The following ZNF318 variants were observed in gnomAD, a reference collection of about 807,000 sequenced individuals.
The protein encoded by ZNF318 is endocrine regulator.
A neutral mutation model predicts 124.2 loss-of-function variants in ZNF318; 51 were observed. The observed-to-expected ratio is 0.41, with a 90% confidence interval of 0.33 to 0.52. The LOEUF (loss-of-function observed/expected upper bound fraction) is 0.52. ZNF318 is among the 20% of genes least tolerant of loss of function. The pLI is 0.23. For synonymous variants in ZNF318, 1,090 were observed against 1,040.7 expected (o/e 1.05, Z -0.91); for missense variants, 2,815 against 2,811.2 (o/e 1.00, Z -0.03).
chr6:43,351,958 T>C (rs1443372982), intron 5 of ZNF318, among the ~76,000 whole-genome samples: 2 of 151,896 alleles, frequency 1.3e-5, no homozygotes, highest in Non-Finnish European at 2.9e-5. Context: ...CTGGTCAACA[T>C]GGTGAAACCC....
chr6:43,343,568 C>T (rs1375842942), intron 6 of ZNF318, among the ~76,000 whole-genome samples: 1 of 152,110 alleles, frequency 6.6e-6, no homozygotes, highest in Non-Finnish European at 1.5e-5. Flanking sequence ...GTGGCTCACA[C>T]CTGTAATCCC....
chr6:43,337,745 T>A lies in ZNF318; in HGVS notation c.6253A>T (p.Thr2085Ser), dbSNP rs1382064929. ...SPKTLVLDFE[T>S]EGERNSPNPR... is the part of the protein sequence containing the mutation. Reference sequence around the variant, plus strand: ...TTAGGTGAGTTTCGTTCACCCTCTGTCTCAAAGTCAAGCACCAAGGTTTTG... The same window carrying A: ...TTAGGTGAGTTTCGTTCACCCTCTGACTCAAAGTCAAGCACCAAGGTTTTG... The change falls in exon 10 of 10, where the codon ACA becomes TCA. Residue 2085 changes from threonine to serine, a missense_variant. This residue lies in a region of ZNF318 where 927 missense variants were observed against 820.6 expected (regional missense o/e 1.13). Coordinates refer to ENST00000361428, the MANE Select transcript of ZNF318 (RefSeq NM_014345.3). 6.2e-7 allele frequency: 1 copy of A among 1,614,110 alleles called. No homozygotes were observed. The highest frequency in any genetic ancestry group is 1.1e-5 in the South Asian group (1 of 91,078).
rs768035211 is a variant in ZNF318 at position 43,339,538 on chromosome 6, C to A, written c.4460G>T (p.Ser1487Ile). Reference sequence around the variant, plus strand: ...AATGTTAGGACCCACGAAGCCAGGGCTGAGAGTCTGAGATACAACTGGGTT... The same window carrying A: ...AATGTTAGGACCCACGAAGCCAGGGATGAGAGTCTGAGATACAACTGGGTT... ...KSNPVVSQTL[S>I]PGFVGPNILN... is the part of the protein sequence containing the mutation. The change falls in exon 10 of 10, where the codon AGC becomes ATC. Residue 1487 changes from serine to isoleucine, a missense_variant. Physicochemically the swap from Ser to Ile is moderately radical, Grantham distance 142. This residue lies in a region of ZNF318 where 500 missense variants were observed against 605.2 expected (regional missense o/e 0.83). Coordinates refer to ENST00000361428, the MANE Select transcript of ZNF318 (RefSeq NM_014345.3). This position sits in a 1 kb window ranked among gnomAD's most constrained non-coding sequence, Gnocchi z 4.2. The A allele has an allele frequency of 6.2e-7, 1 of 1,613,442 alleles. No individual in the cohort carries two copies.
intron 6 of ZNF318, 121 bp downstream of exon 6, chr6:43,348,203 G>GT: frequency 9.7e-7 from 1 of 1,029,176 alleles, no homozygotes; most frequent in Non-Finnish European, 1.4e-6. Context: ...GATCTATACT[G>GT]TAAGAAAATA....
intron 7 of ZNF318, among the ~76,000 whole-genome samples, chr6:43,342,426 A>T (rs1779383741): frequency 6.6e-6 from 1 of 152,110 alleles, no homozygotes; most frequent in Non-Finnish European, 1.5e-5. Context: ...AAACAAAAAA[A>T]TCAGGTACTC....
At chr6:43,350,458 A>G (rs2150752637) in intron 5 of ZNF318, among the ~76,000 whole-genome samples, 1 of 152,308 alleles carries the variant, frequency 6.6e-6, no homozygotes, top group Admixed American at 6.5e-5. Context: ...AACAAATGGG[A>G]GTGAGGGTTA....
rs749789232 is a variant in ZNF318 at position 43,338,021 on chromosome 6, T to G, written c.5977A>C (p.Ile1993Leu). Reference protein sequence around the residue: ...QDVHPELTVTIESKALEDFEA... With the variant: ...QDVHPELTVTLESKALEDFEA... ...AAGTCTTCTAGGGCCTTGCTTTCTA[T>G]TGTCACTGTTAACTCTGGATGGACA... is the stretch of plus-strand genomic sequence containing the variant. Residue 1993 changes from isoleucine (I) to leucine (L), a missense_variant, in exon 10 of 10, where the codon ATA (isoleucine) becomes CTA (leucine). Physicochemically the swap from Ile to Leu is conservative, Grantham distance 5. Transcript: ENST00000361428. The G allele has an allele frequency of 6.2e-7, 1 of 1,614,110 alleles. No individual in the cohort carries two copies.
chr6:43,338,575 T>C lies in ZNF318; in HGVS notation c.5423A>G (p.Asp1808Gly). The C allele has an allele frequency of 6.2e-7, 1 of 1,614,154 alleles. No individual in the cohort carries two copies. Among genetic ancestry groups the C allele is most frequent in the African/African-American group, 1.3e-5 (1 of 75,046 alleles). ...STSIGPHSID[D>G]SNLNHGNRYM... Reference sequence around the variant, plus strand: ...TCTGTTTCCATGGTTCAAATTAGAATCATCTATGCTGTGGGGTCCAATGCT... The same window carrying C: ...TCTGTTTCCATGGTTCAAATTAGAACCATCTATGCTGTGGGGTCCAATGCT... The change falls in exon 10 of 10, where the codon GAT becomes GGT. Residue 1808 changes from aspartate (D) to glycine (G), a missense_variant. Physicochemically the swap from Asp to Gly is moderately conservative, Grantham distance 94 (BLOSUM62 -1). Transcript: ENST00000361428.
At chr6:43,356,300 T>C (rs1239707592) in intron 3 of ZNF318, among the ~76,000 whole-genome samples, 155 bp from the exon 4 acceptor site, 2 of 152,186 alleles carry the variant, frequency 1.3e-5, no homozygotes, top group Non-Finnish European at 2.9e-5. Flanking sequence ...AGATTCAAAA[T>C]GTGAATCCCC....
At position 43,338,256 on chromosome 6, in the gene ZNF318, T is replaced by A. The variant is rs147524759; in HGVS notation, c.5742A>T (p.Ser1914=). The A allele has an allele frequency of 2.2e-4, 354 of 1,614,034 alleles. No individual in the cohort carries two copies. Among genetic ancestry groups the A allele is most frequent in the Non-Finnish European group, 2.7e-4 (321 of 1,180,034 alleles). Residue 1914 remains serine (S), a synonymous_variant, in exon 10 of 10, where the codon TCA becomes TCT. Coordinates refer to ENST00000361428, the MANE Select transcript of ZNF318 (RefSeq NM_014345.3). ...LTGSPQEQGV[S]VVSEEGLENS... Reference sequence around the variant, plus strand: ...TCTCTAGCCCCTCCTCACTAACAACTGAAACTCCTTGCTCTTGTGGACTAC... The same window carrying A: ...TCTCTAGCCCCTCCTCACTAACAACAGAAACTCCTTGCTCTTGTGGACTAC...
At chr6:43,352,090 G>A (rs1779533708) in intron 5 of ZNF318, among the ~76,000 whole-genome samples, 1 of 103,954 alleles carries the variant, frequency 9.6e-6, no homozygotes, top group South Asian at 3.0e-4. Context: ...GTTGTAGTGA[G>A]CCAAAATCAC....
chr6:43,337,879 C>G lies in ZNF318; in HGVS notation c.6119G>C (p.Cys2040Ser), dbSNP rs1779309033. 1.9e-6 allele frequency: 3 copies of G among 1,614,218 alleles called. No homozygotes were observed. The highest frequency in any genetic ancestry group is 3.3e-5 in the Admixed American group (2 of 60,026). The change falls in exon 10 of 10, where the codon TGT becomes TCT. Residue 2040 changes from cysteine to serine, a missense_variant. Coordinates refer to ENST00000361428, the MANE Select transcript of ZNF318 (RefSeq NM_014345.3). ...AGAATTTTCTTCACACACTTTCTGA[C>G]ACAAGACAGTTGGGGATCTATGTGC... is the stretch of plus-strand genomic sequence containing the variant. ...SPAHRSPTVL[C>S]QKVCEENSVS... is the part of the protein sequence containing the mutation.
intron 2 of ZNF318, among the ~76,000 whole-genome samples, chr6:43,358,082 G>A (rs1004477177): frequency 2.0e-5 from 3 of 152,200 alleles, no homozygotes; most frequent in African/African-American, 7.2e-5. Context: ...TACTGAAAGT[G>A]TAGTGCGGAC....
chr6:43,365,190 C>T, intron 2 of ZNF318, 102 bp downstream of exon 2: 1 of 1,350,844 alleles, frequency 7.4e-7, no homozygotes, highest in South Asian at 1.4e-5. Context: ...TAGGAAATAA[C>T]TTTAGAGCTG....
Position 43,340,465 on chromosome 6 carries a change from C to T in ZNF318, c.3533G>A (p.Arg1178Gln), listed in dbSNP as rs1046129165. The T allele has an allele frequency of 1.1e-5, 17 of 1,610,586 alleles. No individual in the cohort carries two copies. Among genetic ancestry groups the T allele is most frequent in the Middle Eastern group, 1.6e-4 (1 of 6,066 alleles). Residue 1178 changes from arginine (R) to glutamine (Q), a missense_variant, in exon 10 of 10, where the codon CGG becomes CAG. Physicochemically the swap from Arg to Gln is conservative, Grantham distance 43. Coordinates refer to ENST00000361428, the MANE Select transcript of ZNF318 (RefSeq NM_014345.3). Reference sequence around the variant, plus strand: ...CAAGCCAGCTTGGCGGTCCAGATTCCGCCGCTCCTCATATAATGGGTTTTC... The same window carrying T: ...CAAGCCAGCTTGGCGGTCCAGATTCTGCCGCTCCTCATATAATGGGTTTTC... ...VDENPLYEER[R>Q]NLDRQAGLAV...
At chr6:43,368,903 A>G in intron 1 of ZNF318, 64 bp downstream of exon 1, 3 of 1,279,392 alleles carry the variant, frequency 2.3e-6, no homozygotes, top group African/African-American at 1.6e-5. Context: ...GCGTTTCTGG[A>G]AACGGGAATT....
At chr6:43,366,961 C>T (rs1446795665) in intron 1 of ZNF318, among the ~76,000 whole-genome samples, 1 of 152,106 alleles carries the variant, frequency 6.6e-6, no homozygotes, top group African/African-American at 2.4e-5. Context: ...ATGCCATTCT[C>T]CTGCCTCAGC....
At chr6:43,358,594 C>T (rs1779643019) in intron 2 of ZNF318, among the ~76,000 whole-genome samples, 1 of 151,724 alleles carries the variant, frequency 6.6e-6, no homozygotes, top group African/African-American at 2.4e-5. Flanking sequence ...TGCTCTGTCA[C>T]CCAGGCTGGA....
At position 43,355,683 on chromosome 6, in the gene ZNF318, C is replaced by T. The variant is rs541975861; in HGVS notation, c.1651G>A (p.Val551Ile). 2.1e-5 allele frequency: 34 copies of T among 1,614,188 alleles called. No individual in the cohort carries two copies. The highest frequency in any genetic ancestry group is 5.5e-5 in the South Asian group (5 of 91,086). ...TCAGAGCTCCCAAGGGGCTTTGGTACGGATTCTGCCTTTAAATCCTCTTCT... is the reference window on the plus strand; with the variant it reads ...TCAGAGCTCCCAAGGGGCTTTGGTATGGATTCTGCCTTTAAATCCTCTTCT... ...DEEEDLKAES[V>I]PKPLGSSESE... The change falls in exon 4 of 10, where the codon GTA (valine) becomes ATA (isoleucine). Residue 551 changes from valine (V) to isoleucine (I), a missense_variant. Val to Ile is a conservative substitution (Grantham distance 29, BLOSUM62 3). Transcript: ENST00000361428.
Sources: gnomAD v4.1 joint callset for allele counts (sites outside exome capture counted in the v4.1 genomes callset) on GRCh38, gnomAD v4.1.1 for gene constraint, gnomAD v4.1.1 regional missense constraint, Gnocchi (gnomAD v3.1) non-coding constraint, MANE v1.5 for transcripts, NCBI Gene and HGNC (gene_info 2026-07-23, HGNC 2026-07-21) for gene names.